The following PRR14L variants were observed in gnomAD, a reference collection of about 807,000 sequenced individuals.
The protein encoded by PRR14L is proline rich 14 like, also known as protein PRR14L.
A neutral mutation model predicts 155.0 loss-of-function variants in PRR14L; 80 were observed. The observed-to-expected ratio is 0.52, with a 90% CI of 0.43 to 0.62. The LOEUF is 0.62. Ranked by LOEUF, PRR14L falls within the 20% of genes least tolerant of loss-of-function variation. The probability of loss-of-function intolerance (pLI) is 0.00; values close to 1 mark genes in which losing one functional copy is unlikely to be tolerated. For synonymous variants in PRR14L, 883 were observed against 916.0 expected, an observed-to-expected ratio of 0.96 and a Z score of 0.65; for missense variants, 2,469 against 2,548.0, an observed-to-expected ratio of 0.97 and a Z score of 0.67.
Position 31,698,826 on chromosome 22 carries a change from G to A in PRR14L, c.6107+2830C>T, listed in dbSNP as rs546924220. Among the ~76,000 whole-genome samples, 398 of 151,488 alleles carry A rather than the reference G, an allele frequency of 2.6e-3. 2 individuals are homozygous for A. Among genetic ancestry groups the A allele is most frequent in the African/African-American group, 8.3e-3 (342 of 41,390 alleles). ...AGTCCCAGCTACTCGGGAGGCTGAG[G>A]GAGGAGAATGGCGTGAACCTGGGAG... On this transcript the variant is annotated intron_variant, in intron 7 of 8. Transcript: ENST00000327423.
Position 31,714,846 on chromosome 22 carries a change from C to T in PRR14L, c.2993G>A (p.Arg998Lys), listed in dbSNP as rs761818660. 4.3e-5 allele frequency: 66 copies of T among 1,551,892 alleles called. No individual in the cohort carries two copies. The highest frequency in any genetic ancestry group is 5.5e-5 in the Non-Finnish European group (63 of 1,147,060). The change falls in exon 4 of 9, where the codon AGA becomes AAA. Residue 998 changes from arginine to lysine, a missense_variant. Physicochemically the swap from Arg to Lys is conservative, Grantham distance 26. Coordinates refer to ENST00000327423, the MANE Select transcript of PRR14L (RefSeq NM_173566.3). ...CCCGTGAGGCTCGGTGACAGTCTCT[C>T]TCTGGTCACTACTTAGCATCTCCTT... ...SAKEMLSSDQ[R>K]ETVTEPHGEV... is the part of the protein sequence containing the mutation.
chr22:31,742,973 C>T (rs1173136300), intron 1 of PRR14L, among the ~76,000 whole-genome samples: 1 of 152,142 alleles, frequency 6.6e-6, no homozygotes, highest in Non-Finnish European at 1.5e-5. Flanking sequence ...ACAGAGATCA[C>T]ATATTACAAG....
At position 31,715,251 on chromosome 22, in the gene PRR14L, G is replaced by T; in HGVS notation, c.2588C>A (p.Thr863Lys). The T allele has an allele frequency of 6.4e-7, 1 of 1,552,208 alleles. No homozygotes were observed. Among genetic ancestry groups the T allele is most frequent in the South Asian group, 1.2e-5 (1 of 84,062 alleles). The change falls in exon 4 of 9, where the codon ACG becomes AAG. Residue 863 changes from threonine to lysine, a missense_variant. Physicochemically the swap from Thr to Lys is moderately conservative, Grantham distance 78 (BLOSUM62 -1). Transcript: ENST00000327423. Reference protein sequence around the residue: ...SQERELDGKETNGSLPGDKIR... With the variant: ...SQERELDGKEKNGSLPGDKIR... Reference sequence around the variant, plus strand: ...CTTATCTCCTGGAAGGCTGCCATTCGTTTCTTTCCCATCAAGTTCCCTTTC... The same window carrying T: ...CTTATCTCCTGGAAGGCTGCCATTCTTTTCTTTCCCATCAAGTTCCCTTTC...
At chr22:31,732,988 CT>C (rs131247) in intron 2 of PRR14L, among the ~76,000 whole-genome samples, 1,842 of 140,634 alleles carry the variant, frequency 0.013, 25 homozygotes, top group African/African-American at 0.034. Flanking sequence ...AGAAGTGTAT[CT>C]TTTTTTTTTT....
intron 2 of PRR14L, among the ~76,000 whole-genome samples, chr22:31,734,099 A>C (rs2074765943): frequency 6.6e-6 from 1 of 152,042 alleles, no homozygotes; most frequent in South Asian, 2.1e-4. Context: ...CATCCTCCCG[A>C]ATAGCTGGGA....
rs952008040 is a variant in PRR14L at position 31,684,259 on chromosome 22, T to C, written c.*1268A>G. On this transcript the variant is annotated 3_prime_UTR_variant, in exon 9 of 9. Coordinates refer to ENST00000327423, the MANE Select transcript of PRR14L (RefSeq NM_173566.3). ...TTTGACAGTTCCGGTAGATGTGACG[T>C]AGGAGCCCAGAGTACAATGAGGTGG... The C allele has an allele frequency of 6.6e-6, 1 of 152,282 alleles. No individual in the cohort carries two copies. Among genetic ancestry groups the C allele is most frequent in the African/African-American group, 2.4e-5 (1 of 41,424 alleles). 9.4% of individuals were successfully genotyped at this position (152,282 alleles called of 1,614,324 possible).
rs189185489 is a variant in PRR14L, at chr22:31,701,101, C to T, written c.6107+555G>A. On this transcript the variant is annotated intron_variant, in intron 7 of 8. Coordinates refer to ENST00000327423, the MANE Select transcript of PRR14L (RefSeq NM_173566.3). Reference sequence around the variant, plus strand: ...CTCCCAGGCTCAAGCGAATCTCCTGCCTCAGCCTTCCCAAGTAGCTGGGAT... The same window carrying T: ...CTCCCAGGCTCAAGCGAATCTCCTGTCTCAGCCTTCCCAAGTAGCTGGGAT... Among the ~76,000 whole-genome samples, 37 of 152,014 alleles carry T rather than the reference C, an allele frequency of 2.4e-4. No homozygotes were observed. The East Asian group carries it at 5.8e-3, about 24-fold the overall frequency.
At chr22:31,700,342 G>A (rs1228797889) in intron 7 of PRR14L, among the ~76,000 whole-genome samples, 1 of 152,052 alleles carries the variant, frequency 6.6e-6, no homozygotes, top group African/African-American at 2.4e-5. Flanking sequence ...AATACTACCC[G>A]ATCTCGGATA....
chr22:31,749,944 AGTGGGGCGGG>A (rs1569501769), intron 1 of PRR14L, 39 bp downstream of exon 1: 1 of 152,650 alleles, frequency 6.6e-6, no homozygotes, highest in Non-Finnish European at 1.5e-5. Flanking sequence ...TTTAGGGCGG[AGTGGGGCGGG>A]GCGGCTACGC....
chr22:31,711,079 G>A (rs561955360), intron 4 of PRR14L, among the ~76,000 whole-genome samples: 2 of 152,300 alleles, frequency 1.3e-5, no homozygotes, highest in South Asian at 2.1e-4. Flanking sequence ...GCTGTTTAGT[G>A]CTTTGTGAAG....
intron 4 of PRR14L, among the ~76,000 whole-genome samples, chr22:31,708,681 T>C (rs131221): frequency 0.23 from 35,473 of 151,680 alleles, 6,071 homozygotes; most frequent in African/African-American, 0.49. Context: ...CACTTTGCCG[T>C]CCAGGCTGGA....
At chr22:31,699,185 T>C (rs2074550961) in intron 7 of PRR14L, among the ~76,000 whole-genome samples, 1 of 151,920 alleles carries the variant, frequency 6.6e-6, no homozygotes, top group African/African-American at 2.4e-5. Context: ...TACAGGCGTG[T>C]GCCACTACCG....
intron 4 of PRR14L, among the ~76,000 whole-genome samples, chr22:31,706,196 T>C (rs2074590073): frequency 1.3e-5 from 2 of 151,450 alleles, no homozygotes. Context: ...CTAGGCATGA[T>C]GGCACATGCC....
intron 3 of PRR14L, among the ~76,000 whole-genome samples, chr22:31,719,765 C>A (rs1397289622): frequency 6.7e-6 from 1 of 149,916 alleles, no homozygotes; most frequent in African/African-American, 2.5e-5. Context: ...GAGACAGGGT[C>A]TCGCTTTGTT....
chr22:31,710,716 A>C (rs131222), intron 4 of PRR14L, among the ~76,000 whole-genome samples: 2 of 152,012 alleles, frequency 1.3e-5, no homozygotes, highest in African/African-American at 4.8e-5. Flanking sequence ...GGCCTCCCAA[A>C]GCGCTGGGAT....
At chr22:31,723,745 T>A (rs1391387693) in intron 3 of PRR14L, among the ~76,000 whole-genome samples, 1 of 152,230 alleles carries the variant, frequency 6.6e-6, no homozygotes, top group African/African-American at 2.4e-5. Context: ...GGGACAAATG[T>A]CCTTTTTCAT....
At position 31,747,733 on chromosome 22, in the gene PRR14L, T is replaced by C. The variant is rs368035864; in HGVS notation, c.-52+2260A>G. Among the ~76,000 whole-genome samples, 63 of 150,560 alleles carry C rather than the reference T, an allele frequency of 4.2e-4. No homozygotes were observed. The South Asian group carries it at 0.012, about 29-fold the overall frequency. On this transcript the variant is annotated intron_variant, in intron 1 of 8. Coordinates refer to ENST00000327423, the MANE Select transcript of PRR14L (RefSeq NM_173566.3). ...CGTTTGAGGTAATTTAAGAACACTT[T>C]ACATACAAAAAAAGATGGTAAGCGT... is the stretch of plus-strand genomic sequence containing the variant.
chr22:31,749,765 C>A (rs1365848466), intron 1 of PRR14L, among the ~76,000 whole-genome samples: 3 of 152,214 alleles, frequency 2.0e-5, no homozygotes, highest in Non-Finnish European at 2.9e-5. Flanking sequence ...TCTCCCGCGT[C>A]GGAGCCATGA....
chr22:31,705,247 C>A (rs950970092), intron 4 of PRR14L, among the ~76,000 whole-genome samples: 4 of 151,912 alleles, frequency 2.6e-5, no homozygotes, highest in East Asian at 1.9e-4. Flanking sequence ...AGTATCAGGG[C>A]AAGACCCCAT....
Sources: gnomAD v4.1 joint callset for allele counts (sites outside exome capture counted in the v4.1 genomes callset) on GRCh38, gnomAD v4.1.1 for gene constraint, MANE v1.5 for transcripts, NCBI Gene and HGNC (gene_info 2026-07-23, HGNC 2026-07-21) for gene names.